RNF212B: variants seen among roughly 807,000 people sequenced by gnomAD.
The protein encoded by RNF212B is ring finger protein 212B, also known as E3 ubiquitin-protein ligase RNF212B.
Under a neutral mutation model 55.5 loss-of-function variants are expected in RNF212B, and 52 were observed. The ratio of observed to expected loss-of-function variants is 0.94; its 90% confidence interval spans 0.75 to 1.18. RNF212B has a LOEUF of 1.18. Ranked by LOEUF, RNF212B falls within the 50% of genes most tolerant of loss-of-function variation. The pLI is 0.00. For missense variants in RNF212B, 289 were observed against 350.4 expected, an observed-to-expected ratio of 0.82 and a Z score of 1.40; for synonymous variants, 99 against 121.4, an observed-to-expected ratio of 0.82 and a Z score of 1.21.
rs1594943819 is a variant in RNF212B, at chr14:23,259,945, G to A, written c.405+1G>A. 3 of 1,438,760 alleles carry A rather than the reference G, an allele frequency of 2.1e-6. No homozygotes were observed. Among genetic ancestry groups the A allele is most frequent in the African/African-American group, 1.4e-5 (1 of 69,766 alleles). The allele number at this position is 1,438,760 out of a possible 1,614,324, so 89.1% of individuals were successfully genotyped here. On this transcript the variant is annotated splice_donor_variant, in intron 6 of 14. Coordinates refer to ENST00000430154, the MANE Select transcript of RNF212B (RefSeq NM_001282322.3). LOFTEE classifies it high-confidence loss of function. ...GAAGAAATTTCTAGCCATTCTAAAGGTGAATGAAATAGATTTTCCTTATTA... is the reference window on the plus strand; with the variant it reads ...GAAGAAATTTCTAGCCATTCTAAAGATGAATGAAATAGATTTTCCTTATTA...
intron 1 of RNF212B, chr14:23,188,386 C>T (rs1877797194): frequency 1.3e-5 from 2 of 151,558 alleles, no homozygotes; most frequent in East Asian, 1.9e-4. Context: ...ATTTAAGTGA[C>T]TCCAGCTTTG....
At chr14:23,198,925 T>C (rs1879006888) in intron 2 of RNF212B, among the ~76,000 whole-genome samples, 1 of 152,134 alleles carries the variant, frequency 6.6e-6, no homozygotes, top group African/African-American at 2.4e-5. Context: ...TAGCTTGGTA[T>C]ATATATAGAC....
chr14:23,186,599 C>T (rs998877609), intron 1 of RNF212B, among the ~76,000 whole-genome samples: 5 of 152,126 alleles, frequency 3.3e-5, no homozygotes, highest in African/African-American at 1.2e-4. Flanking sequence ...CCACCCGCCT[C>T]GGCCTCCCAA....
chr14:23,209,533 T>A (rs8011838), intron 2 of RNF212B, among the ~76,000 whole-genome samples: 5,557 of 152,284 alleles, frequency 0.036, 341 homozygotes, highest in African/African-American at 0.13. Flanking sequence ...CATACTGATA[T>A]AAACAAATGA....
At chr14:23,221,468 A>G (rs1283389355) in intron 2 of RNF212B, among the ~76,000 whole-genome samples, 2 of 152,238 alleles carry the variant, frequency 1.3e-5, no homozygotes, top group African/African-American at 2.4e-5. Context: ...TATGCACCCA[A>G]TGCTAGAGTA....
intron 2 of RNF212B, among the ~76,000 whole-genome samples, chr14:23,226,617 C>A (rs1882044927): frequency 6.6e-6 from 1 of 151,924 alleles, no homozygotes; most frequent in African/African-American, 2.4e-5. Flanking sequence ...GGTGACAGAG[C>A]GAGACTCTGT....
chr14:23,260,158 T>C (rs541472637), intron 6 of RNF212B, among the ~76,000 whole-genome samples: 5 of 152,270 alleles, frequency 3.3e-5, no homozygotes, highest in African/African-American at 9.6e-5. Flanking sequence ...TGTAACCCAT[T>C]CCTGAACATC....
intron 1 of RNF212B, chr14:23,188,208 A>G (rs1032195656): frequency 6.6e-6 from 1 of 152,228 alleles, no homozygotes; most frequent in Non-Finnish European, 1.5e-5. Flanking sequence ...AAATTCCAAC[A>G]GATTACTCCT....
At chr14:23,260,619 C>T in intron 6 of RNF212B, 40 bp from the exon 7 acceptor site, 1 of 1,542,124 alleles carries the variant, frequency 6.5e-7, no homozygotes. Context: ...TTAGGATCCT[C>T]AGTTGCAGCT....
intron 2 of RNF212B, among the ~76,000 whole-genome samples, chr14:23,221,534 C>T (rs1177141425): frequency 3.3e-5 from 5 of 152,104 alleles, no homozygotes; most frequent in South Asian, 2.1e-4. Flanking sequence ...GACTCCAATA[C>T]GGTAATAGCT....
chr14:23,222,824 G>A lies in RNF212B; in HGVS notation c.-1-17521G>A, dbSNP rs186870966. On this transcript the variant is annotated intron_variant, in intron 2 of 15. Transcript: ENST00000399910. ...TCCTAGCACTTTGGGAGGCTGAGGC[G>A]GGGGGATCATCTGAGGTCAGGAGTT... 1.7e-3 allele frequency among the ~76,000 whole-genome samples: 255 copies of A among 149,500 alleles called. 1 individual carries two copies. Among genetic ancestry groups the A allele is most frequent in the African/African-American group, 5.7e-3 (222 of 39,044 alleles).
Position 23,269,731 on chromosome 14 carries a change from ATT to A in RNF212B, c.675-131_675-130del, listed in dbSNP as rs1288117978. The A allele has an allele frequency of 5.0e-6, 3 of 602,718 alleles. No individual in the cohort carries two copies. The African/African-American group carries it at 5.6e-5, about 11-fold the overall frequency. The allele number at this position is 602,718 out of a possible 1,614,324, so 37.3% of individuals were successfully genotyped here. On this transcript the variant is annotated intron_variant, in intron 12 of 14. Coordinates refer to ENST00000430154, the MANE Select transcript of RNF212B (RefSeq NM_001282322.3). ...TGTCTCAAAAAAAAAAAAAGAAAAA[ATT>A]ATCATCAGTTGCAAGCAGGGAATTT... is the stretch of plus-strand genomic sequence containing the variant.
intron 2 of RNF212B, among the ~76,000 whole-genome samples, chr14:23,228,002 A>G (rs1449042002): frequency 1.3e-5 from 2 of 152,090 alleles, no homozygotes; most frequent in Non-Finnish European, 2.9e-5. Flanking sequence ...AGGCCGAGGC[A>G]GGTGGATCAC....
At chr14:23,248,993 T>G (rs914908493) in intron 4 of RNF212B, among the ~76,000 whole-genome samples, 1 of 152,182 alleles carries the variant, frequency 6.6e-6, no homozygotes, top group Non-Finnish European at 1.5e-5. Context: ...AGACAGCATG[T>G]AAGCAGCCAC....
At chr14:23,223,070 A>AG (rs1464778740) in intron 2 of RNF212B, among the ~76,000 whole-genome samples, 1 of 147,730 alleles carries the variant, frequency 6.8e-6, no homozygotes, top group East Asian at 2.0e-4. Context: ...AAAAAAAAAA[A>AG]AGGAAAAGAA....
intron 2 of RNF212B, among the ~76,000 whole-genome samples, chr14:23,222,101 A>C (rs1881623443): frequency 6.6e-6 from 1 of 152,102 alleles, no homozygotes; most frequent in African/African-American, 2.4e-5. Context: ...GAGCAAACCA[A>C]ACCCAAAATT....
chr14:23,201,458 T>C (rs797020197), intron 2 of RNF212B, among the ~76,000 whole-genome samples: 1 of 152,234 alleles, frequency 6.6e-6, no homozygotes, highest in African/African-American at 2.4e-5. Context: ...ATTAGAATTA[T>C]AAGTTTCTCA....
At chr14:23,251,000 A>C (rs1051823004) in intron 4 of RNF212B, among the ~76,000 whole-genome samples, 20 of 152,150 alleles carry the variant, frequency 1.3e-4, no homozygotes, top group Non-Finnish European at 2.9e-4. Context: ...TGCCCTGAGC[A>C]TTTCCCAGCT....
rs1430090033 is a variant in RNF212B, at chr14:23,210,504, G to A, written c.-2+17103G>A. 2.0e-5 allele frequency among the ~76,000 whole-genome samples: 3 copies of A among 152,228 alleles called. No individual in the cohort carries two copies. In the South Asian group the frequency reaches 6.2e-4, roughly 32 times the overall value. ...CATAGAAATGTAGGATGGGGTGGGC[G>A]TGGTGGCTCACGCCTATAATCCCAG... is the stretch of plus-strand genomic sequence containing the variant. On this transcript the variant is annotated intron_variant, in intron 2 of 15. Coordinates refer to the RNF212B transcript ENST00000399910.
Sources: allele counts gnomAD v4.1 joint callset (sites outside exome capture counted in the v4.1 genomes callset), GRCh38; gene constraint gnomAD v4.1.1; transcripts MANE v1.5; gene names NCBI Gene and HGNC (gene_info 2026-07-23, HGNC 2026-07-21).